The following MRM3 variants were observed in gnomAD, a reference collection of about 807,000 sequenced individuals.
MRM3 encodes the protein mitochondrial rRNA methyltransferase 3, also known as rRNA methyltransferase 3, mitochondrial.
MRM3 carries 26 observed loss-of-function variants against 29.4 expected under a neutral mutation model. The observed-to-expected ratio is 0.89, with a 90% CI of 0.65 to 1.23. The LOEUF (loss-of-function observed/expected upper bound fraction) is 1.23, where lower values mean the gene tolerates loss of function less well. Among genes scored for constraint, MRM3 ranks in the 50% most tolerant of loss-of-function variants. MRM3 has a pLI of 0.00. For missense variants in MRM3, 578 were observed against 540.2 expected (o/e 1.07, Z -0.69); for synonymous variants, 225 against 219.0 (o/e 1.03, Z -0.24).
rs1428596794 is a variant in MRM3 at position 792,125 on chromosome 17, ACTGGTGGGAGG to A, written c.*61_*71del. 3 of 1,493,726 alleles carry A rather than the reference ACTGGTGGGAGG, an allele frequency of 2.0e-6. No homozygotes were observed. Among genetic ancestry groups the A allele is most frequent in the Non-Finnish European group, 2.7e-6 (3 of 1,104,860 alleles). 92.5% of individuals were successfully genotyped at this position (1,493,726 alleles called of 1,614,324 possible). Reference sequence around the variant, plus strand: ...TCTGCAGCTCCTCCTACACCAGCACACTGGTGGGAGGCTGGCGGAGTCAGTGACTATGGCCC... The same window carrying A: ...TCTGCAGCTCCTCCTACACCAGCACACTGGCGGAGTCAGTGACTATGGCCC... On this transcript the variant is annotated 3_prime_UTR_variant, in exon 4 of 4. Transcript: ENST00000304478.
Position 792,258 on chromosome 17 carries a change from C to G in MRM3, c.*189C>G, listed in dbSNP as rs745799415. The G allele has an allele frequency of 1.7e-6, 1 of 576,302 alleles. No homozygotes were observed. Among genetic ancestry groups the G allele is most frequent in the Non-Finnish European group, 2.9e-6 (1 of 343,774 alleles). 35.7% of individuals were successfully genotyped at this position (576,302 alleles called of 1,614,324 possible). On this transcript the variant is annotated 3_prime_UTR_variant, in exon 4 of 4. Coordinates refer to ENST00000304478, the MANE Select transcript of MRM3 (RefSeq NM_018146.4). ...GGTCCGAATTCTTCCTGTCGCGTCA[C>G]TGATTTTGAGGTTCTTTTTTCTCTT...
At chr17:790,546 AC>A (rs1910745940) in intron 3 of MRM3, 1 of 179,174 alleles carries the variant, frequency 5.6e-6, no homozygotes, top group South Asian at 5.7e-5. Context: ...CCACACCCCC[AC>A]CCGCTGATTG....
At position 782,483 on chromosome 17, in the gene MRM3, G is replaced by A. The variant is rs1470836164; in HGVS notation, c.105G>A (p.Arg35=). 1 of 1,613,748 alleles carries A rather than the reference G, an allele frequency of 6.2e-7. No individual in the cohort carries two copies. The highest frequency in any genetic ancestry group is 1.3e-5 in the African/African-American group (1 of 75,062). ...GGCGCTGGGTCCGGGCGCTGCGGCG[G>A]AGCCCAGTGAAAGTGGTGTTTCCTT... ...DARRWVRALR[R]SPVKVVFPSG... is the part of the protein sequence containing the mutation. Residue 35 remains arginine, a synonymous_variant, in exon 1 of 4, where the codon CGG becomes CGA. Coordinates refer to ENST00000304478, the MANE Select transcript of MRM3 (RefSeq NM_018146.4).
intron 2 of MRM3, among the ~76,000 whole-genome samples, chr17:785,777 G>C (rs1301546136): frequency 6.6e-6 from 1 of 152,190 alleles, no homozygotes; most frequent in African/African-American, 2.4e-5. Context: ...AATGTAGTTT[G>C]AATTTTAAAA....
At chr17:788,265 A>T (rs1416862195) in intron 3 of MRM3, 133 bp downstream of exon 3, 9 of 806,122 alleles carry the variant, frequency 1.1e-5, no homozygotes, top group Non-Finnish European at 1.5e-5. Flanking sequence ...TCATCTCTAC[A>T]AAAAAAACTA....
chr17:782,370 T>G lies in MRM3; in HGVS notation c.-9T>G. ...GCGCTTTCGTGACGCAGCCCGGGTC[T>G]CAGGGAACATGGCGGCGCTGGTGAG... is the stretch of plus-strand genomic sequence containing the variant. On this transcript the variant is annotated 5_prime_UTR_variant, in exon 1 of 4. Transcript: ENST00000304478. 6.2e-7 allele frequency: 1 copy of G among 1,613,566 alleles called. No individual in the cohort carries two copies.
intron 2 of MRM3, among the ~76,000 whole-genome samples, chr17:786,658 C>T (rs192234426): frequency 9.9e-5 from 15 of 152,238 alleles, no homozygotes; most frequent in Admixed American, 8.5e-4. Context: ...ATCCGCCCAC[C>T]TCAGCCTCCC....
chr17:782,707 G>A lies in MRM3; in HGVS notation c.314+15G>A. 2 of 1,579,946 alleles carry A rather than the reference G, an allele frequency of 1.3e-6. No individual in the cohort carries two copies. The highest frequency in any genetic ancestry group is 1.7e-6 in the Non-Finnish European group (2 of 1,158,568). On this transcript the variant is annotated intron_variant, in intron 1 of 3. Coordinates refer to ENST00000304478, the MANE Select transcript of MRM3 (RefSeq NM_018146.4). ...AGGAGGCTGAGGTGATGTGGTTCTT[G>A]AGCCTGTCGAATGTTCTCGTTTCCC...
intron 2 of MRM3, among the ~76,000 whole-genome samples, chr17:785,198 A>C (rs1910479060): frequency 6.6e-6 from 1 of 152,082 alleles, no homozygotes; most frequent in Non-Finnish European, 1.5e-5. Context: ...TATCATTATC[A>C]CCTCTACCAG....
Position 782,412 on chromosome 17 carries a change from G to C in MRM3, c.34G>C (p.Val12Leu). ...GCTGGTGAGACCCGCGAGGTTTGTC[G>C]TGCGACCGTTGCTGCAGGTGGTCCA... ...AALVRPARFVVRPLLQVVQAW... is the reference protein window; with the variant it reads ...AALVRPARFVLRPLLQVVQAW... The change falls in exon 1 of 4, where the codon GTG becomes CTG. Residue 12 changes from valine to leucine, a missense_variant. Val to Leu is a conservative substitution (Grantham distance 32, BLOSUM62 1). Transcript: ENST00000304478. The C allele has an allele frequency of 6.2e-7, 1 of 1,613,878 alleles. No homozygotes were observed. The highest frequency in any genetic ancestry group is 8.5e-7 in the Non-Finnish European group (1 of 1,179,962).
chr17:785,974 T>C (rs948041544), intron 2 of MRM3, among the ~76,000 whole-genome samples: 2 of 152,238 alleles, frequency 1.3e-5, no homozygotes, highest in Admixed American at 6.5e-5. Context: ...GGTGTTTAGC[T>C]TCTCTAGTAA....
Position 782,557 on chromosome 17 carries a change from A to C in MRM3, c.179A>C (p.Lys60Thr). 1 of 1,614,064 alleles carries C rather than the reference A, an allele frequency of 6.2e-7. No homozygotes were observed. Among genetic ancestry groups the C allele is most frequent in the East Asian group, 2.2e-5 (1 of 44,888 alleles). The change falls in exon 1 of 4, where the codon AAG (lysine) becomes ACG (threonine). Residue 60 changes from lysine (K) to threonine (T), a missense_variant. Coordinates refer to ENST00000304478, the MANE Select transcript of MRM3 (RefSeq NM_018146.4). ...CGCGCTCCTGGGAAGCAGCCCCGCA[A>C]GGCACCATCTGAGGCCAGTGCCCAG... is the stretch of plus-strand genomic sequence containing the variant. The part of the protein sequence containing the change: ...QKRAPGKQPR[K>T]APSEASAQEQ...
chr17:789,290 T>C (rs985085599), intron 3 of MRM3, among the ~76,000 whole-genome samples: 2 of 152,222 alleles, frequency 1.3e-5, no homozygotes, highest in Non-Finnish European at 2.9e-5. Flanking sequence ...CTCCTGAGTC[T>C]TGACTTCTGA....
At position 782,375 on chromosome 17, in the gene MRM3, G is replaced by A; in HGVS notation, c.-4G>A. On this transcript the variant is annotated 5_prime_UTR_variant, in exon 1 of 4. Transcript: ENST00000304478. ...TTCGTGACGCAGCCCGGGTCTCAGG[G>A]AACATGGCGGCGCTGGTGAGACCCG... 6.2e-7 allele frequency: 1 copy of A among 1,613,582 alleles called. No individual in the cohort carries two copies. Among genetic ancestry groups the A allele is most frequent in the East Asian group, 2.2e-5 (1 of 44,872 alleles).
chr17:785,958 C>T (rs1346681355), intron 2 of MRM3, among the ~76,000 whole-genome samples: 2 of 152,172 alleles, frequency 1.3e-5, no homozygotes, highest in Non-Finnish European at 2.9e-5. Flanking sequence ...CGCAGTCAGT[C>T]AGTAAGGTGT....
chr17:784,667 G>A (rs1335332585), intron 2 of MRM3, among the ~76,000 whole-genome samples: 2 of 152,160 alleles, frequency 1.3e-5, no homozygotes, highest in African/African-American at 4.8e-5. Flanking sequence ...TTAGATTTGA[G>A]GGCAGGGAAT....
rs994680968 is a variant in MRM3 at position 782,403 on chromosome 17, A to G, written c.25A>G (p.Arg9Gly). ...CATGGCGGCGCTGGTGAGACCCGCG[A>G]GGTTTGTCGTGCGACCGTTGCTGCA... The part of the protein sequence containing the change: MAALVRPA[R>G]FVVRPLLQVV... Residue 9 changes from arginine (R) to glycine (G), a missense_variant, in exon 1 of 4, where the codon AGG becomes GGG. Physicochemically the swap from Arg to Gly is moderately radical, Grantham distance 125 (BLOSUM62 -2). Coordinates refer to ENST00000304478, the MANE Select transcript of MRM3 (RefSeq NM_018146.4). The G allele has an allele frequency of 3.1e-6, 5 of 1,613,598 alleles. No individual in the cohort carries two copies. The highest frequency in any genetic ancestry group is 2.2e-5 in the East Asian group (1 of 44,868).
In MRM3 at chr17:782,674, C is replaced by T; in HGVS notation, c.296C>T (p.Pro99Leu). 6.2e-7 allele frequency: 1 copy of T among 1,605,350 alleles called. No homozygotes were observed. The highest frequency in any genetic ancestry group is 2.2e-5 in the East Asian group (1 of 44,610). ...GGGCTTCGCTACGATAAAGCTTATC[C>T]CGGGGACAGGAGGCTGAGGTGATGT... ...ESGLRYDKAY[P>L]GDRRLSSVMT... The change falls in exon 1 of 4, where the codon CCC (proline) becomes CTC (leucine). Residue 99 changes from proline (P) to leucine (L), a missense_variant. Transcript: ENST00000304478.
rs1910863692 is a variant in MRM3, at chr17:792,210, T to A, written c.*141T>A. 1.3e-6 allele frequency: 1 copy of A among 789,968 alleles called. No homozygotes were observed. The highest frequency in any genetic ancestry group is 1.9e-6 in the Non-Finnish European group (1 of 513,470). 48.9% of individuals were successfully genotyped at this position (789,968 alleles called of 1,614,324 possible). On this transcript the variant is annotated 3_prime_UTR_variant, in exon 4 of 4. Coordinates refer to ENST00000304478, the MANE Select transcript of MRM3 (RefSeq NM_018146.4). ...TGCCGTCATACAGTTACAGGAAAAA[T>A]AAGAACTTCCTCAGAAAGAACAGGT...
Sources: gnomAD v4.1 joint callset for allele counts (sites outside exome capture counted in the v4.1 genomes callset) on GRCh38, gnomAD v4.1.1 for gene constraint, MANE v1.5 for transcripts, NCBI Gene and HGNC (gene_info 2026-07-23, HGNC 2026-07-21) for gene names.